Variants in ZPBP observed in about 807,000 individuals in gnomAD.
ZPBP encodes zona pellucida-binding protein 1.
A neutral mutation model predicts 44.8 loss-of-function variants in ZPBP; 26 were observed. That is an observed-to-expected ratio of 0.58 (90% CI 0.43 to 0.81). ZPBP has a LOEUF of 0.81. Among genes scored for constraint, ZPBP ranks in the 30% least tolerant of loss-of-function variants. ZPBP has a pLI of 0.00. For synonymous variants in ZPBP, 174 were observed against 153.2 expected (o/e 1.14, Z -1.00); for missense variants, 409 against 434.0 (o/e 0.94, Z 0.51).
chr7:49,876,110 A>C (rs955852608), intron 2 of ZPBP, among the ~76,000 whole-genome samples: 9 of 152,162 alleles, frequency 5.9e-5, no homozygotes, highest in Admixed American at 5.2e-4. Flanking sequence ...GCTAATCCTA[A>C]AGAAAGGATC....
intron 6 of ZPBP, among the ~76,000 whole-genome samples, chr7:49,988,923 G>A (rs1303703775): frequency 6.6e-6 from 1 of 152,144 alleles, no homozygotes; most frequent in African/African-American, 2.4e-5. Flanking sequence ...TCAGAGTCAA[G>A]GAAGCTTATT....
chr7:50,031,415 C>T (rs540056262), intron 4 of ZPBP, 105 bp from the exon 5 acceptor site: 1 of 872,272 alleles, frequency 1.1e-6, no homozygotes, highest in East Asian at 2.7e-5. Flanking sequence ...ATTCTTGGTA[C>T]ATGTTTTTAG....
chr7:49,936,068 T>C (rs1794611245), downstream of ZPBP: 1 of 152,224 alleles, frequency 6.6e-6, no homozygotes, highest in African/African-American at 2.4e-5. Context: ...TAATCCATTA[T>C]TTATTATACA....
At chr7:50,067,846 C>A (rs1801605884) in intron 3 of ZPBP, among the ~76,000 whole-genome samples, 1 of 152,176 alleles carries the variant, frequency 6.6e-6, no homozygotes, top group Non-Finnish European at 1.5e-5. Context: ...AAGTATGTCA[C>A]TGGGTGATGC....
intron 2 of ZPBP, among the ~76,000 whole-genome samples, chr7:49,863,210 A>C (rs1402279838): frequency 2.0e-5 from 3 of 152,000 alleles, no homozygotes; most frequent in Non-Finnish European, 4.4e-5. Context: ...TGTTTCTAGG[A>C]ATTTGTCCAT....
intron 7 of ZPBP, among the ~76,000 whole-genome samples, chr7:49,959,928 T>C (rs953590051): frequency 3.3e-5 from 5 of 152,230 alleles, no homozygotes; most frequent in African/African-American, 1.2e-4. Flanking sequence ...ATGTACAAAA[T>C]TGCAGTCAGC....
At chr7:49,867,907 C>A (rs1341547217) in intron 2 of ZPBP, among the ~76,000 whole-genome samples, 1 of 151,402 alleles carries the variant, frequency 6.6e-6, no homozygotes, top group Non-Finnish European at 1.5e-5. Context: ...AATCTCGGCT[C>A]ACTGCAATCT....
chr7:50,015,190 T>C (rs374978687), intron 6 of ZPBP, among the ~76,000 whole-genome samples: 3 of 151,682 alleles, frequency 2.0e-5, no homozygotes, highest in East Asian at 3.9e-4. Context: ...ACATATTGCA[T>C]TAAAAAAAAA....
At chr7:49,951,984 G>A (rs1053333300) in intron 7 of ZPBP, among the ~76,000 whole-genome samples, 3 of 151,732 alleles carry the variant, frequency 2.0e-5, no homozygotes, top group African/African-American at 7.3e-5. Flanking sequence ...AATACATATT[G>A]TTTTATTTTA....
At chr7:49,979,557 C>T (rs1186750156) in intron 7 of ZPBP, among the ~76,000 whole-genome samples, 1 of 151,302 alleles carries the variant, frequency 6.6e-6, no homozygotes, top group East Asian at 1.9e-4. Context: ...TGTGTTGTTA[C>T]CCAAAGTTTT....
At chr7:50,047,557 C>G (rs1268253739) in intron 4 of ZPBP, among the ~76,000 whole-genome samples, 1 of 151,326 alleles carries the variant, frequency 6.6e-6, no homozygotes, top group African/African-American at 2.4e-5. Flanking sequence ...GGAGAATAGC[C>G]TTACATGATT....
chr7:49,956,106 A>C (rs1026885646), intron 7 of ZPBP, among the ~76,000 whole-genome samples: 18 of 152,180 alleles, frequency 1.2e-4, no homozygotes, highest in African/African-American at 4.3e-4. Flanking sequence ...AAAAGCAAAG[A>C]GATTAAAGTG....
At chr7:49,891,871 A>C (rs936208718) in intron 2 of ZPBP, among the ~76,000 whole-genome samples, 2 of 152,168 alleles carry the variant, frequency 1.3e-5, no homozygotes, top group Non-Finnish European at 2.9e-5. Flanking sequence ...ACTTTCTGCT[A>C]TTGATAGATA....
intron 2 of ZPBP, among the ~76,000 whole-genome samples, chr7:50,085,803 G>A (rs1802605779): frequency 6.6e-6 from 1 of 152,126 alleles, no homozygotes; most frequent in African/African-American, 2.4e-5. Flanking sequence ...GCTGGGGAAT[G>A]TCATATCCAC....
At chr7:50,055,917 C>CTATG (rs1800917349) in intron 4 of ZPBP, among the ~76,000 whole-genome samples, 1 of 152,150 alleles carries the variant, frequency 6.6e-6, no homozygotes, top group African/African-American at 2.4e-5. Flanking sequence ...GAGATAACTA[C>CTATG]TATGTAACAA....
intron 1 of ZPBP, among the ~76,000 whole-genome samples, chr7:50,090,994 A>C (rs945368427): frequency 4.2e-4 from 63 of 150,830 alleles, no homozygotes; most frequent in African/African-American, 1.5e-3. Flanking sequence ...TTATTTTTTG[A>C]TTATGGCCAT....
At chr7:49,928,289 T>A (rs1027761089) in intron 1 of ZPBP, among the ~76,000 whole-genome samples, 1 of 152,222 alleles carries the variant, frequency 6.6e-6, no homozygotes, top group Admixed American at 6.5e-5. Flanking sequence ...TTTGGAGATA[T>A]CTAGTTACAT....
chr7:49,888,728 TG>T (rs1035409225), intron 2 of ZPBP, among the ~76,000 whole-genome samples: 1 of 152,082 alleles, frequency 6.6e-6, no homozygotes, highest in Non-Finnish European at 1.5e-5. Context: ...CTGGCCAACA[TG>T]GTAAAACCCC....
chr7:50,057,131 G>A (rs1049605131), intron 4 of ZPBP, among the ~76,000 whole-genome samples: 1 of 150,640 alleles, frequency 6.6e-6, no homozygotes, highest in African/African-American at 2.4e-5. Flanking sequence ...GTTGCAGTGA[G>A]CTGAGATCGC....
Sources: gnomAD v4.1 joint callset for allele counts (sites outside exome capture counted in the v4.1 genomes callset) on GRCh38, gnomAD v4.1.1 for gene constraint, MANE v1.5 for transcripts, NCBI Gene and HGNC (gene_info 2026-07-23, HGNC 2026-07-21) for gene names.